The following RNF146 variants were observed in gnomAD, a reference collection of about 807,000 sequenced individuals.
RNF146 encodes ring finger protein 146.
Under a neutral mutation model 29.7 loss-of-function variants are expected in RNF146, and 11 were observed. The ratio of observed to expected loss-of-function variants is 0.37; its 90% CI spans 0.23 to 0.61. The LOEUF is 0.61. RNF146 is among the 20% of genes least tolerant of loss of function. The pLI is 0.66. For missense variants in RNF146, 342 were observed against 438.9 expected (o/e 0.78, Z 1.97); for synonymous variants, 150 against 159.7 (o/e 0.94, Z 0.46).
intron 2 of RNF146, among the ~76,000 whole-genome samples, chr6:127,285,677 CAG>C (rs1237363498): frequency 2.0e-5 from 3 of 151,912 alleles, no homozygotes; most frequent in Non-Finnish European, 4.4e-5. Context: ...CTATTTGACT[CAG>C]TGTCTTGCAT....
At chr6:127,285,529 CT>C (rs10669927) in intron 2 of RNF146, among the ~76,000 whole-genome samples, 102 of 129,990 alleles carry the variant, frequency 7.8e-4, no homozygotes, top group Middle Eastern at 4.4e-3. Context: ...TTTAAAATGT[CT>C]TTTTTTTTTT....
chr6:127,272,246 A>G (rs756526732), intron 1 of RNF146, among the ~76,000 whole-genome samples: 1 of 152,114 alleles, frequency 6.6e-6, no homozygotes, highest in Non-Finnish European at 1.5e-5. Context: ...TCACTAACTA[A>G]TATATGTGAA....
intron 2 of RNF146, chr6:127,280,574 T>C: frequency 8.3e-7 from 1 of 1,199,192 alleles, no homozygotes; most frequent in Non-Finnish European, 1.0e-6. Context: ...ACACAGGAGT[T>C]TGCTCAAAGA....
chr6:127,284,033 AAAATATTAATCATAT>A (rs1350103079), intron 2 of RNF146, among the ~76,000 whole-genome samples: 9 of 151,858 alleles, frequency 5.9e-5, no homozygotes, highest in African/African-American at 2.2e-4. Context: ...AGAGTCATGC[AAAATATTAATCATAT>A]TAAGTAGGGT....
chr6:127,276,635 G>C (rs12199451), intron 1 of RNF146, among the ~76,000 whole-genome samples: 81,868 of 151,790 alleles, frequency 0.54, 24,221 homozygotes, highest in Non-Finnish European at 0.68. Flanking sequence ...GTCAAGAGAT[G>C]GTAGGTCCCC....
chr6:127,277,839 C>T (rs192768375), intron 1 of RNF146, among the ~76,000 whole-genome samples: 2 of 152,080 alleles, frequency 1.3e-5, no homozygotes, highest in Non-Finnish European at 2.9e-5. Flanking sequence ...ATCCTTCACT[C>T]CAATCAAGTT....
In RNF146 at chr6:127,287,594, T is replaced by G; in HGVS notation, c.981T>G (p.Asp327Glu). Residue 327 changes from aspartate to glutamate, a missense_variant, in exon 3 of 3, where the codon GAT (aspartate) becomes GAG (glutamate). Asp to Glu is a conservative substitution (Grantham distance 45). This residue lies in a region of RNF146 where 196 missense variants were observed against 208.9 expected (regional missense o/e 0.94). Transcript: ENST00000368314. ...NANQTVPDRS[D>E]RSGTDRSVAG... ...ACCAGACAGTACCCGATCGATCAGA[T>G]CGATCGGGAACTGATCGATCAGTAG... The G allele has an allele frequency of 6.2e-7, 1 of 1,612,518 alleles. No individual in the cohort carries two copies. Among genetic ancestry groups the G allele is most frequent in the Non-Finnish European group, 8.5e-7 (1 of 1,179,272 alleles).
chr6:127,287,751 CCACAT>C lies in RNF146; in HGVS notation c.*59_*63del. The C allele has an allele frequency of 8.9e-7, 1 of 1,119,846 alleles. No homozygotes were observed. Among genetic ancestry groups the C allele is most frequent in the Non-Finnish European group, 1.3e-6 (1 of 770,344 alleles). 69.4% of individuals were successfully genotyped at this position (1,119,846 alleles called of 1,614,324 possible). ...GAAAGGGTTACCTGTAAATTTCTGC[CCACAT>C]AACATTATACTCATCCCTAGTAGTG... On this transcript the variant is annotated 3_prime_UTR_variant, in exon 3 of 3. Coordinates refer to ENST00000368314, the MANE Select transcript of RNF146 (RefSeq NM_001242850.2).
At chr6:127,280,423 A>G (rs1181823802) in intron 2 of RNF146, 83 bp downstream of exon 2, 3 of 1,464,852 alleles carry the variant, frequency 2.0e-6, no homozygotes, top group Admixed American at 2.1e-5. Flanking sequence ...AGTATCTGTC[A>G]TATGTAGTTT....
chr6:127,275,826 C>A (rs914528740), intron 1 of RNF146, among the ~76,000 whole-genome samples: 3 of 151,980 alleles, frequency 2.0e-5, no homozygotes, highest in African/African-American at 7.2e-5. Flanking sequence ...GTTTGCAGGA[C>A]TATGAGTAAT....
intron 2 of RNF146, among the ~76,000 whole-genome samples, chr6:127,284,804 C>CCA (rs1562290013): frequency 6.6e-6 from 1 of 151,862 alleles, no homozygotes; most frequent in African/African-American, 2.4e-5. Context: ...AACTTGTGGG[C>CCA]CACATGTGGC....
intron 2 of RNF146, chr6:127,280,736 CTAAAT>C: frequency 1.0e-5 from 2 of 190,830 alleles, no homozygotes; most frequent in East Asian, 1.8e-4. Flanking sequence ...ACTTGTTTCA[CTAAAT>C]TAAAGGAATT....
chr6:127,269,030 C>T (rs1402046978), intron 1 of RNF146, among the ~76,000 whole-genome samples: 1 of 152,098 alleles, frequency 6.6e-6, no homozygotes, highest in South Asian at 2.1e-4. Flanking sequence ...ATTTTTCTCC[C>T]GTGTTAGTAA....
intron 1 of RNF146, among the ~76,000 whole-genome samples, chr6:127,278,050 A>G (rs1054645340): frequency 2.0e-5 from 3 of 152,098 alleles, no homozygotes; most frequent in African/African-American, 4.8e-5. Context: ...TGAGAGCCAC[A>G]TGGAAATAAA....
At position 127,286,507 on chromosome 6, in the gene RNF146, T is replaced by C; in HGVS notation, c.3-109T>C. 9.9e-7 allele frequency: 1 copy of C among 1,010,472 alleles called. No homozygotes were observed. 62.6% of individuals were successfully genotyped at this position (1,010,472 alleles called of 1,614,324 possible). ...CTTCATATCCCCATTGTCTAGTATG[T>C]GGCTTGCATATAATGCACATCATAG... On this transcript the variant is annotated intron_variant, in intron 2 of 2. Coordinates refer to ENST00000368314, the MANE Select transcript of RNF146 (RefSeq NM_001242850.2). The surrounding 1 kb of genome is among the most constrained non-coding windows in gnomAD (Gnocchi z 4.6).
chr6:127,267,279 T>A (rs1776761516), intron 1 of RNF146, among the ~76,000 whole-genome samples: 1 of 151,810 alleles, frequency 6.6e-6, no homozygotes, highest in Non-Finnish European at 1.5e-5. Flanking sequence ...GGAGCTGGTC[T>A]CGGTCCGGGT....
chr6:127,283,056 T>A (rs1268284898), intron 2 of RNF146, among the ~76,000 whole-genome samples: 4 of 151,758 alleles, frequency 2.6e-5, no homozygotes, highest in African/African-American at 7.2e-5. Flanking sequence ...TTCAAGGAAA[T>A]CTGAGTTCTT....
At chr6:127,275,646 A>T (rs1056613151) in intron 1 of RNF146, among the ~76,000 whole-genome samples, 2 of 152,140 alleles carry the variant, frequency 1.3e-5, no homozygotes, top group Non-Finnish European at 1.5e-5. Context: ...CCGTAATAGA[A>T]AAACATACAA....
intron 1 of RNF146, among the ~76,000 whole-genome samples, chr6:127,274,145 G>A (rs185015241): frequency 2.5e-4 from 38 of 152,208 alleles, no homozygotes; most frequent in African/African-American, 8.2e-4. Flanking sequence ...AGCAGAATGA[G>A]AGAATGCATC....
Sources: gnomAD v4.1 joint callset for allele counts (sites outside exome capture counted in the v4.1 genomes callset) on GRCh38, gnomAD v4.1.1 for gene constraint, gnomAD v4.1.1 regional missense constraint, Gnocchi (gnomAD v3.1) non-coding constraint, MANE v1.5 for transcripts, NCBI Gene and HGNC (gene_info 2026-07-23, HGNC 2026-07-21) for gene names.